The following GBF1 variants were observed in gnomAD, a reference collection of about 807,000 sequenced individuals.
The protein encoded by GBF1 is golgi brefeldin A resistant guanine nucleotide exchange factor 1, also known as Golgi-specific brefeldin A-resistance guanine nucleotide exchange factor 1.
A neutral mutation model predicts 210.5 loss-of-function variants in GBF1; 114 were observed. That is an observed-to-expected ratio of 0.54 (90% CI 0.47 to 0.63). The LOEUF is 0.63. Among genes scored for constraint, GBF1 ranks in the 30% least tolerant of loss-of-function variants. The pLI is 0.00. For missense variants in GBF1, 1,851 were observed against 2,357.7 expected, an observed-to-expected ratio of 0.79 and a Z score of 4.45; for synonymous variants, 850 against 889.2, an observed-to-expected ratio of 0.96 and a Z score of 0.78.
intron 3 of GBF1, among the ~76,000 whole-genome samples, chr10:102,264,040 C>T (rs1353163049): frequency 6.6e-6 from 1 of 152,050 alleles, no homozygotes; most frequent in Non-Finnish European, 1.5e-5. Context: ...TACAGGGTTC[C>T]TTTTTGGGGT....
Position 102,369,905 on chromosome 10 carries a change from G to A in GBF1, c.3260G>A (p.Ser1087Asn). ...VLSFVSWLTL[S>N]GPEQSSVRGP... ...AGCTTTGTGAGCTGGCTAACACTGA[G>A]TGGTCCTGAGCAGTCTAGTGTTCGG... is the stretch of plus-strand genomic sequence containing the variant. The change falls in exon 26 of 40, where the codon AGT becomes AAT. Residue 1087 changes from serine (S) to asparagine (N), a missense_variant. Physicochemically the swap from Ser to Asn is conservative, Grantham distance 46 (BLOSUM62 1). Coordinates refer to ENST00000369983, the MANE Select transcript of GBF1 (RefSeq NM_001377137.1). The A allele has an allele frequency of 6.2e-7, 1 of 1,614,072 alleles. No homozygotes were observed. Among genetic ancestry groups the A allele is most frequent in the Non-Finnish European group, 8.5e-7 (1 of 1,179,934 alleles).
chr10:102,379,154 G>A (rs1367388091), intron 33 of GBF1, 130 bp from the exon 34 acceptor site: 9 of 763,252 alleles, frequency 1.2e-5, no homozygotes, highest in Non-Finnish European at 1.3e-5. Flanking sequence ...AGAGTAGCGA[G>A]GGGGTGAGGT....
intron 3 of GBF1, among the ~76,000 whole-genome samples, chr10:102,294,298 T>A (rs1485666854): frequency 6.6e-6 from 1 of 152,126 alleles, no homozygotes; most frequent in Non-Finnish European, 1.5e-5. Context: ...ATTCACTCAC[T>A]GACTTATCCA....
At chr10:102,293,568 C>T (rs1257205834) in intron 3 of GBF1, among the ~76,000 whole-genome samples, 1 of 151,992 alleles carries the variant, frequency 6.6e-6, no homozygotes, top group Non-Finnish European at 1.5e-5. Flanking sequence ...CCCTGAAGAC[C>T]TTCCAGTGGG....
the GBF1 span, among the ~76,000 whole-genome samples, chr10:102,234,396 A>C: frequency 6.6e-6 from 1 of 152,178 alleles, no homozygotes; most frequent in Non-Finnish European, 1.5e-5. Flanking sequence ...GTGAAGAGAC[A>C]GGGCTGGAGG....
At chr10:102,344,586 G>T (rs2058407947) in intron 4 of GBF1, among the ~76,000 whole-genome samples, 1 of 151,908 alleles carries the variant, frequency 6.6e-6, no homozygotes, top group African/African-American at 2.4e-5. Flanking sequence ...GTTCATGCCA[G>T]TCTCCTGCCT....
chr10:102,331,609 G>A (rs1208350073), intron 3 of GBF1, among the ~76,000 whole-genome samples: 1 of 151,890 alleles, frequency 6.6e-6, no homozygotes, highest in African/African-American at 2.4e-5. Context: ...AGAGAGAGAA[G>A]AAAAACAGGG....
chr10:102,345,214 G>A (rs1264660403), intron 4 of GBF1, among the ~76,000 whole-genome samples: 4 of 150,678 alleles, frequency 2.7e-5, no homozygotes, highest in African/African-American at 7.3e-5. Context: ...CCCGGGAGGC[G>A]GAGTTTGCAG....
intron 3 of GBF1, among the ~76,000 whole-genome samples, chr10:102,316,370 G>A (rs2078935470): frequency 6.6e-6 from 1 of 152,168 alleles, no homozygotes; most frequent in Non-Finnish European, 1.5e-5. Flanking sequence ...TTACAGGCAT[G>A]AGCCACCACG....
At chr10:102,375,223 A>G (rs2060428809) in intron 29 of GBF1, 136 bp from the exon 30 acceptor site, 6 of 604,236 alleles carry the variant, frequency 9.9e-6, no homozygotes, top group Non-Finnish European at 1.5e-5. Flanking sequence ...AAAAGACCAG[A>G]GCAGTATCCT....
intron 3 of GBF1, among the ~76,000 whole-genome samples, chr10:102,294,447 T>C (rs1212082542): frequency 6.6e-6 from 1 of 150,972 alleles, no homozygotes; most frequent in East Asian, 2.0e-4. Flanking sequence ...AGTGGCGCAA[T>C]CTTGGCTCAC....
chr10:102,350,566 C>CT (rs1301228631), intron 4 of GBF1, among the ~76,000 whole-genome samples: 1 of 152,114 alleles, frequency 6.6e-6, no homozygotes, highest in Non-Finnish European at 1.5e-5. Flanking sequence ...GAGTCAAAAA[C>CT]TCTTGTTTCC....
Position 102,379,624 on chromosome 10 carries a change from C to G in GBF1, c.4749C>G (p.Ala1583=). Residue 1583 remains alanine (A), a synonymous_variant, in exon 35 of 40, where the codon GCC becomes GCG. Coordinates refer to ENST00000369983, the MANE Select transcript of GBF1 (RefSeq NM_001377137.1). ...LLVHDLQKLD[A]LEWESCFNKV... is the part of the protein sequence containing the mutation. ...TACATGATCTGCAAAAGCTAGATGC[C>G]CTGGAATGGGAGTCCTGTTTTAACA... The G allele has an allele frequency of 6.2e-7, 1 of 1,613,994 alleles. No individual in the cohort carries two copies. The highest frequency in any genetic ancestry group is 8.5e-7 in the Non-Finnish European group (1 of 1,179,926).
intron 4 of GBF1, among the ~76,000 whole-genome samples, chr10:102,344,732 G>A (rs1038380763): frequency 6.6e-6 from 1 of 152,070 alleles, no homozygotes; most frequent in Admixed American, 6.6e-5. Context: ...TGCCCGCCTT[G>A]GCCTCCCAAA....
intron 3 of GBF1, among the ~76,000 whole-genome samples, chr10:102,332,508 A>G (rs1443141779): frequency 6.6e-6 from 1 of 151,682 alleles, no homozygotes; most frequent in African/African-American, 2.4e-5. Context: ...CTCAGCTACC[A>G]GAGTAGCTGG....
intron 39 of GBF1, 105 bp downstream of exon 39, chr10:102,381,360 G>C (rs999138582): frequency 1.7e-6 from 2 of 1,169,566 alleles, no homozygotes; most frequent in Non-Finnish European, 2.4e-6. Context: ...TCTGTGAGCC[G>C]AGGGAAGAAG....
At chr10:102,265,641 C>T (rs1354490491) in intron 3 of GBF1, among the ~76,000 whole-genome samples, 5 of 152,120 alleles carry the variant, frequency 3.3e-5, no homozygotes, top group South Asian at 2.1e-4. Context: ...CCCATGATTG[C>T]GCCACTGTAC....
At chr10:102,250,973 A>C (rs1467495734) in intron 1 of GBF1, among the ~76,000 whole-genome samples, 1 of 148,958 alleles carries the variant, frequency 6.7e-6, no homozygotes, top group African/African-American at 2.5e-5. Flanking sequence ...AAACAACCAA[A>C]CAAACACAAA....
At position 102,370,872 on chromosome 10, in the gene GBF1, G is replaced by C; in HGVS notation, c.3660+12G>C. 6.2e-7 allele frequency: 1 copy of C among 1,613,070 alleles called. No individual in the cohort carries two copies. Among genetic ancestry groups the C allele is most frequent in the African/African-American group, 1.3e-5 (1 of 75,042 alleles). On this transcript the variant is annotated intron_variant, in intron 29 of 39. Coordinates refer to ENST00000369983, the MANE Select transcript of GBF1 (RefSeq NM_001377137.1). ...AGATCAGTGCTCAGGTAAGCAGAAT[G>C]CATCTTGGAGAGTGGGCAGGTATGC... is the stretch of plus-strand genomic sequence containing the variant.
Sources: gnomAD v4.1 joint callset for allele counts (sites outside exome capture counted in the v4.1 genomes callset) on GRCh38, gnomAD v4.1.1 for gene constraint, MANE v1.5 for transcripts, NCBI Gene and HGNC (gene_info 2026-07-23, HGNC 2026-07-21) for gene names.